AREL1: variants seen among roughly 807,000 people sequenced by gnomAD.
AREL1 encodes the protein apoptosis resistant E3 ubiquitin protein ligase 1.
Under a neutral mutation model 99.0 loss-of-function variants are expected in AREL1, and 62 were observed. The observed-to-expected ratio is 0.63, with a 90% CI of 0.51 to 0.77. The LOEUF is 0.77. AREL1 is among the 30% of genes least tolerant of loss of function. AREL1 has a pLI of 0.00. For missense variants in AREL1, 879 were observed against 1,027.6 expected, an observed-to-expected ratio of 0.86 and a Z score of 1.98; for synonymous variants, 380 against 376.5, an observed-to-expected ratio of 1.01 and a Z score of -0.11.
chr14:74,712,916 C>A lies in AREL1; in HGVS notation c.-334+17G>T. ...CAGGTCTTCTGGGCTCTGCCTAAGGCTGGAGAGAAACGTTACCCGAGCCGG... is the reference window on the plus strand; with the variant it reads ...CAGGTCTTCTGGGCTCTGCCTAAGGATGGAGAGAAACGTTACCCGAGCCGG... On this transcript the variant is annotated intron_variant, in intron 1 of 19. Coordinates refer to ENST00000356357, the MANE Select transcript of AREL1 (RefSeq NM_001039479.2). The A allele has an allele frequency of 1.5e-6, 1 of 656,322 alleles. No homozygotes were observed. Among genetic ancestry groups the A allele is most frequent in the Non-Finnish European group, 2.8e-6 (1 of 356,706 alleles). 40.7% of individuals were successfully genotyped at this position (656,322 alleles called of 1,614,324 possible).
At chr14:74,676,778 C>G in intron 5 of AREL1, 26 bp from the exon 6 acceptor site, 1 of 1,490,908 alleles carries the variant, frequency 6.7e-7, no homozygotes, top group South Asian at 1.4e-5. Context: ...TGGAATCTAA[C>G]ATTTATTTAT....
At position 74,712,970 on chromosome 14, in the gene AREL1, C is replaced by T. The variant is rs1256864936; in HGVS notation, c.-371G>A. Reference sequence around the variant, plus strand: ...TTGCAGCGCGACGAAGTTCCACCTCCGCTGTCCTGGGAAGGGGCGGCAGCA... The same window carrying T: ...TTGCAGCGCGACGAAGTTCCACCTCTGCTGTCCTGGGAAGGGGCGGCAGCA... On this transcript the variant is annotated 5_prime_UTR_variant, in exon 1 of 20. Coordinates refer to ENST00000356357, the MANE Select transcript of AREL1 (RefSeq NM_001039479.2). 4.1e-6 allele frequency: 3 copies of T among 734,514 alleles called. No individual in the cohort carries two copies. Among genetic ancestry groups the T allele is most frequent in the Non-Finnish European group, 7.3e-6 (3 of 412,182 alleles). 45.5% of individuals were successfully genotyped at this position (734,514 alleles called of 1,614,324 possible).
At chr14:74,700,653 G>A (rs893711094) in intron 1 of AREL1, among the ~76,000 whole-genome samples, 5 of 152,252 alleles carry the variant, frequency 3.3e-5, no homozygotes, top group East Asian at 3.9e-4. Flanking sequence ...GGTGGCACAC[G>A]CCTGTATTCC....
intron 11 of AREL1, 146 bp downstream of exon 11, chr14:74,672,685 T>A: frequency 9.0e-7 from 1 of 1,110,838 alleles, no homozygotes; most frequent in Admixed American, 2.2e-5. Flanking sequence ...CAGTGAGCCA[T>A]GATCGCACCT....
chr14:74,701,977 C>A (rs1174865318), intron 1 of AREL1, among the ~76,000 whole-genome samples: 4 of 152,242 alleles, frequency 2.6e-5, no homozygotes, highest in Admixed American at 6.5e-5. Context: ...CCAGGTCACG[C>A]TGACACAAGA....
Position 74,670,824 on chromosome 14 carries a change from T to C in AREL1, c.1546A>G (p.Lys516Glu). The C allele has an allele frequency of 6.2e-7, 1 of 1,614,182 alleles. No homozygotes were observed. Among genetic ancestry groups the C allele is most frequent in the Non-Finnish European group, 8.5e-7 (1 of 1,180,022 alleles). Reference sequence around the variant, plus strand: ...TGATTGGTGGTATCAAATAGTGCTTTGCAGATTAGCTCAAACCATTCCCGG... The same window carrying C: ...TGATTGGTGGTATCAAATAGTGCTTCGCAGATTAGCTCAAACCATTCCCGG... ...PRREWFELIC[K>E]ALFDTTNQLF... The change falls in exon 13 of 20, where the codon AAA becomes GAA. Residue 516 changes from lysine to glutamate, a missense_variant. By Grantham distance (56) the Lys-to-Glu change is moderately conservative. Transcript: ENST00000356357.
At chr14:74,676,021 C>A in intron 7 of AREL1, 75 bp from the exon 8 acceptor site, 1 of 1,545,458 alleles carries the variant, frequency 6.5e-7, no homozygotes, top group South Asian at 1.3e-5. Context: ...GGCTTTTAGT[C>A]CACAGGACAA....
chr14:74,670,856 C>T lies in AREL1; in HGVS notation c.1514G>A (p.Gly505Glu), dbSNP rs1320002443. The T allele has an allele frequency of 6.2e-7, 1 of 1,614,020 alleles. No homozygotes were observed. Among genetic ancestry groups the T allele is most frequent in the South Asian group, 1.1e-5 (1 of 91,066 alleles). The change falls in exon 13 of 20, where the codon GGG becomes GAG. Residue 505 changes from glycine (G) to glutamate (E), a missense_variant. Transcript: ENST00000356357. ...FQDEEALDWG[G>E]PRREWFELIC... is the part of the protein sequence containing the mutation. Reference sequence around the variant, plus strand: ...TAGCTCAAACCATTCCCGGCGAGGCCCTCCCCAGTCCAGAGCTGAAAAGCA... The same window carrying T: ...TAGCTCAAACCATTCCCGGCGAGGCTCTCCCCAGTCCAGAGCTGAAAAGCA...
chr14:74,685,851 T>C (rs936408194), intron 2 of AREL1, among the ~76,000 whole-genome samples, 191 bp from the exon 3 acceptor site: 1 of 152,184 alleles, frequency 6.6e-6, no homozygotes, highest in Non-Finnish European at 1.5e-5. Flanking sequence ...ACTGCATCAT[T>C]CCCCTTAAAG....
At chr14:74,701,446 C>T (rs1033285924) in intron 1 of AREL1, among the ~76,000 whole-genome samples, 29 of 152,068 alleles carry the variant, frequency 1.9e-4, no homozygotes, top group South Asian at 1.0e-3. Context: ...GAGAGCCAAG[C>T]GAAAAGAGAA....
At chr14:74,667,069 T>C (rs2089225049) in intron 17 of AREL1, among the ~76,000 whole-genome samples, 1 of 152,208 alleles carries the variant, frequency 6.6e-6, no homozygotes, top group South Asian at 2.1e-4. Context: ...TCTTCATAAA[T>C]AATGAGCTAC....
At chr14:74,673,462 C>T (rs1218193895) in intron 9 of AREL1, among the ~76,000 whole-genome samples, 1 of 152,044 alleles carries the variant, frequency 6.6e-6, no homozygotes, top group Non-Finnish European at 1.5e-5. Context: ...GACCTTCTAA[C>T]ATAAAATATA....
rs191500853 is a variant in AREL1 at position 74,662,773 on chromosome 14, A to C, written c.*947T>G. The C allele has an allele frequency of 9.4e-4, 371 of 395,500 alleles. No individual in the cohort carries two copies. The highest frequency in any genetic ancestry group is 1.5e-3 in the Non-Finnish European group (332 of 224,624). 24.5% of individuals were successfully genotyped at this position (395,500 alleles called of 1,614,324 possible). ...AGAGAGAATCAGGGATTGCTGGCAT[A>C]CTATTCTTACTGTTCTAATCTTTTG... is the stretch of plus-strand genomic sequence containing the variant. On this transcript the variant is annotated 3_prime_UTR_variant, in exon 20 of 20. Coordinates refer to ENST00000356357, the MANE Select transcript of AREL1 (RefSeq NM_001039479.2).
At chr14:74,666,701 T>G (rs2089217118) in intron 17 of AREL1, among the ~76,000 whole-genome samples, 1 of 151,018 alleles carries the variant, frequency 6.6e-6, no homozygotes, top group South Asian at 2.1e-4. Context: ...GATATTAACA[T>G]TCTTTACTAC....
At chr14:74,702,604 G>C (rs2090107286) in intron 1 of AREL1, among the ~76,000 whole-genome samples, 1 of 152,158 alleles carries the variant, frequency 6.6e-6, no homozygotes, top group South Asian at 2.1e-4. Context: ...ACATGCCCTG[G>C]AGACATTTTC....
At chr14:74,709,538 G>C (rs2090244484) in intron 1 of AREL1, among the ~76,000 whole-genome samples, 1 of 152,154 alleles carries the variant, frequency 6.6e-6, no homozygotes, top group Non-Finnish European at 1.5e-5. Flanking sequence ...GACAGAATGG[G>C]CCCTCAATAA....
At chr14:74,702,538 T>A (rs1250390769) in intron 1 of AREL1, among the ~76,000 whole-genome samples, 1 of 152,068 alleles carries the variant, frequency 6.6e-6, no homozygotes, top group Non-Finnish European at 1.5e-5. Context: ...TCAAAACCAT[T>A]TTTTCCTCCT....
intron 5 of AREL1, among the ~76,000 whole-genome samples, chr14:74,677,738 T>C (rs1489925680): frequency 6.6e-6 from 1 of 151,134 alleles, no homozygotes; most frequent in East Asian, 1.9e-4. Context: ...CCCCACCTTG[T>C]AATTTGCCCG....
chr14:74,676,549 T>A (rs770436027), intron 6 of AREL1, 34 bp downstream of exon 6: 1 of 1,600,348 alleles, frequency 6.2e-7, no homozygotes, highest in Admixed American at 1.7e-5. Flanking sequence ...GCCAGCTCTC[T>A]CTAGCACACA....
Sources: gnomAD v4.1 joint callset for allele counts (sites outside exome capture counted in the v4.1 genomes callset) on GRCh38, gnomAD v4.1.1 for gene constraint, MANE v1.5 for transcripts, NCBI Gene and HGNC (gene_info 2026-07-23, HGNC 2026-07-21) for gene names.